Variants in CCDC146 observed in about 807,000 individuals in gnomAD.
CCDC146 encodes the protein coiled-coil domain-containing protein 146.
CCDC146 carries 92 observed loss-of-function variants against 119.3 expected under a neutral mutation model. That is an observed-to-expected ratio of 0.77 (90% CI 0.65 to 0.92). CCDC146 has a LOEUF of 0.92. CCDC146 is among the 40% of genes least tolerant of loss of function. CCDC146 has a pLI of 0.00. For synonymous variants in CCDC146, 372 were observed against 371.8 expected, an observed-to-expected ratio of 1.00 and a Z score of -0.01; for missense variants, 1,000 against 1,103.0, an observed-to-expected ratio of 0.91 and a Z score of 1.32.
intron 2 of CCDC146, among the ~76,000 whole-genome samples, chr7:77,204,754 G>A (rs572883978): frequency 2.6e-4 from 39 of 152,254 alleles, no homozygotes; most frequent in South Asian, 2.5e-3. Context: ...GGATCATGAA[G>A]GATCCAAAAG....
In CCDC146 at chr7:77,241,383, C is replaced by G. The variant is rs901354734; in HGVS notation, c.240-308C>G. The stretch of plus-strand genomic sequence containing the variant: ...CGTTGACAGTTTTAAGAGTGCCAGT[C>G]AGGTATTCTATAGAGCATTTCTCAG... On this transcript the variant is annotated intron_variant, in intron 3 of 18. Coordinates refer to ENST00000285871, the MANE Select transcript of CCDC146 (RefSeq NM_020879.3). Among the ~76,000 whole-genome samples, 18 of 95,594 alleles carry G rather than the reference C, an allele frequency of 1.9e-4. 8 individuals are homozygous for G. In the South Asian group the frequency reaches 2.6e-3, roughly 14 times the overall value. 62.7% of individuals were successfully genotyped at this position (95,594 alleles called of 152,430 possible).
chr7:77,254,396 T>A (rs1793137751), intron 4 of CCDC146, 110 bp from the exon 5 acceptor site: 3 of 631,174 alleles, frequency 4.8e-6, no homozygotes, highest in Admixed American at 3.0e-5. Flanking sequence ...CCAGGTTGCC[T>A]GGCCGACAAG....
chr7:77,231,772 T>A (rs1407813857), intron 2 of CCDC146, among the ~76,000 whole-genome samples: 4 of 152,008 alleles, frequency 2.6e-5, no homozygotes, highest in African/African-American at 9.7e-5. Context: ...CTTTGTTAAA[T>A]CTAACGTCTG....
At chr7:77,162,058 C>T (rs929648879) in intron 1 of CCDC146, among the ~76,000 whole-genome samples, 4 of 152,114 alleles carry the variant, frequency 2.6e-5, no homozygotes, top group African/African-American at 9.7e-5. Flanking sequence ...AACCCCTTGT[C>T]ACATATATAG....
chr7:77,245,131 G>A (rs1195980505), intron 4 of CCDC146, among the ~76,000 whole-genome samples: 1 of 151,752 alleles, frequency 6.6e-6, no homozygotes, highest in Non-Finnish European at 1.5e-5. Context: ...TAATTATCTG[G>A]TTGGTTGGTT....
intron 2 of CCDC146, among the ~76,000 whole-genome samples, chr7:77,225,553 TA>T (rs1343190749): frequency 2.3e-4 from 33 of 141,916 alleles, no homozygotes; most frequent in East Asian, 6.1e-4. Context: ...GACTTTGCCT[TA>T]AAAAAAAAAA....
At chr7:77,256,224 C>T in intron 5 of CCDC146, 109 bp from the exon 6 acceptor site, 1 of 764,814 alleles carries the variant, frequency 1.3e-6, no homozygotes, top group East Asian at 2.9e-5. Flanking sequence ...TCATGAACTT[C>T]AAAACAAATA....
chr7:77,242,431 G>A (rs191970188), intron 4 of CCDC146: 18 of 976,128 alleles, frequency 1.8e-5, no homozygotes, highest in Admixed American at 6.1e-5. Flanking sequence ...AGGAGAAAAG[G>A]TATATCCTTT....
intron 3 of CCDC146, 140 bp downstream of exon 3, chr7:77,237,169 G>A (rs111304780): frequency 8.9e-6 from 6 of 671,562 alleles, no homozygotes; most frequent in African/African-American, 3.6e-5. Context: ...GAAGTGGTAC[G>A]AGAAAGCATC....
At chr7:77,217,129 CAG>C (rs1311894943) in intron 2 of CCDC146, among the ~76,000 whole-genome samples, 2 of 151,970 alleles carry the variant, frequency 1.3e-5, no homozygotes, top group African/African-American at 4.8e-5. Context: ...AATATGGAAA[CAG>C]AGTAAGAAAA....
chr7:77,242,002 T>C, intron 4 of CCDC146, 102 bp downstream of exon 4: 1 of 830,944 alleles, frequency 1.2e-6, no homozygotes. Context: ...GAGATAGCAG[T>C]ACGATGATGA....
chr7:77,165,400 G>A (rs1791324885), intron 1 of CCDC146, among the ~76,000 whole-genome samples: 1 of 151,970 alleles, frequency 6.6e-6, no homozygotes, highest in African/African-American at 2.4e-5. Flanking sequence ...ATTCACATGA[G>A]CAGCACAGAT....
chr7:77,254,284 C>T (rs1173863244), intron 4 of CCDC146, among the ~76,000 whole-genome samples: 1 of 152,150 alleles, frequency 6.6e-6, no homozygotes, highest in Non-Finnish European at 1.5e-5. Flanking sequence ...TGAGATAACT[C>T]CTCTAAGTGG....
chr7:77,218,922 G>A (rs544645995), intron 2 of CCDC146, among the ~76,000 whole-genome samples: 8 of 151,946 alleles, frequency 5.3e-5, no homozygotes, highest in East Asian at 3.9e-4. Context: ...AAAAACTTGT[G>A]CACACTAAAA....
At chr7:77,294,243 A>T (rs1794002872) in intron 18 of CCDC146, among the ~76,000 whole-genome samples, 2 of 152,308 alleles carry the variant, frequency 1.3e-5, no homozygotes, top group Non-Finnish European at 2.9e-5. Flanking sequence ...CAGGGAAATA[A>T]TTAGTGCTTG....
intron 3 of CCDC146, among the ~76,000 whole-genome samples, chr7:77,237,660 G>T (rs1353145168): frequency 6.6e-6 from 1 of 152,150 alleles, no homozygotes; most frequent in African/African-American, 2.4e-5. Context: ...GACCCTGTCT[G>T]TACTTCTCAC....
chr7:77,169,624 G>C (rs1278850577), intron 2 of CCDC146, among the ~76,000 whole-genome samples: 1 of 152,118 alleles, frequency 6.6e-6, no homozygotes, highest in Non-Finnish European at 1.5e-5. Flanking sequence ...TGTGGACTTA[G>C]GTTTCTCACT....
chr7:77,206,059 A>G (rs1792074579), intron 2 of CCDC146, among the ~76,000 whole-genome samples: 1 of 152,214 alleles, frequency 6.6e-6, no homozygotes, highest in South Asian at 2.1e-4. Context: ...AAATCAACAT[A>G]TTTACCACGC....
chr7:77,238,544 G>A (rs959279072), intron 3 of CCDC146, among the ~76,000 whole-genome samples: 5 of 152,072 alleles, frequency 3.3e-5, no homozygotes, highest in Admixed American at 3.3e-4. Context: ...AGACTCTTGA[G>A]TAGCTAGGAC....
Sources: allele counts gnomAD v4.1 joint callset (sites outside exome capture counted in the v4.1 genomes callset), GRCh38; gene constraint gnomAD v4.1.1; transcripts MANE v1.5; gene names NCBI Gene and HGNC (gene_info 2026-07-23, HGNC 2026-07-21).